The following RSU1 variants were observed in gnomAD, a reference collection of about 807,000 sequenced individuals.
RSU1 encodes rsu-1.
In RSU1, 26 loss-of-function variants were observed where a neutral mutation model predicts 31.1. The observed-to-expected ratio is 0.84, with a 90% CI of 0.61 to 1.16. The LOEUF (loss-of-function observed/expected upper bound fraction) is 1.16, where lower values mean the gene tolerates loss of function less well. Among genes scored for constraint, RSU1 ranks in the 50% most tolerant of loss-of-function variants. RSU1 has a pLI of 0.00. For missense variants in RSU1, 320 were observed against 339.1 expected (o/e 0.94, Z 0.44); for synonymous variants, 164 against 136.3 (o/e 1.20, Z -1.41).
rs377154505 is a variant in RSU1 at position 16,593,490 on chromosome 10, G to A, written c.738C>T (p.Tyr246=). The A allele has an allele frequency of 1.2e-5, 19 of 1,612,644 alleles. No individual in the cohort carries two copies. Among genetic ancestry groups the A allele is most frequent in the Admixed American group, 6.7e-5 (4 of 59,994 alleles). ...CTGGGTTGGCCTGCATGTGTCTGCC[G>A]TAGAGGCTGCAAAGACAGAGAAAGG... ...YIRSETYKYL[Y]GRHMQANPEP... The change falls in exon 9 of 9, where the codon TAC becomes TAT. Residue 246 remains tyrosine (Y), a synonymous_variant. Coordinates refer to ENST00000345264, the MANE Select transcript of RSU1 (RefSeq NM_012425.4).
chr10:16,757,061 T>A (rs1258511487), intron 4 of RSU1, among the ~76,000 whole-genome samples: 1 of 145,994 alleles, frequency 6.8e-6, no homozygotes. Context: ...GGTGTGTTTG[T>A]ACACGGTATG....
chr10:16,787,156 A>G (rs867970555), intron 2 of RSU1, among the ~76,000 whole-genome samples: 24 of 152,274 alleles, frequency 1.6e-4, no homozygotes, highest in Middle Eastern at 3.4e-3. Context: ...CTTTGGAGCC[A>G]CAACAGTGAG....
At chr10:16,809,409 C>T (rs921742) in intron 2 of RSU1, among the ~76,000 whole-genome samples, 1 of 151,972 alleles carries the variant, frequency 6.6e-6, no homozygotes, top group Non-Finnish European at 1.5e-5. Context: ...CAGAACCTGG[C>T]GAATGAAGGT....
intron 2 of RSU1, among the ~76,000 whole-genome samples, chr10:16,789,185 C>A (rs1837860446): frequency 6.6e-6 from 1 of 152,138 alleles, no homozygotes; most frequent in African/African-American, 2.4e-5. Context: ...AGGAGAGAAA[C>A]TAAAAAAGTT....
chr10:16,725,114 T>C (rs1303429153), intron 7 of RSU1, among the ~76,000 whole-genome samples: 5 of 152,224 alleles, frequency 3.3e-5, no homozygotes, highest in African/African-American at 1.2e-4. Flanking sequence ...TTTGGCATGT[T>C]GATCATTCGC....
At chr10:16,656,515 A>C (rs952160818) in intron 8 of RSU1, among the ~76,000 whole-genome samples, 1 of 152,242 alleles carries the variant, frequency 6.6e-6, no homozygotes, top group Non-Finnish European at 1.5e-5. Context: ...CACCAGCTAA[A>C]GAATTCTATT....
At chr10:16,654,096 G>A (rs180926650) in intron 8 of RSU1, among the ~76,000 whole-genome samples, 2 of 151,556 alleles carry the variant, frequency 1.3e-5, no homozygotes, top group African/African-American at 2.4e-5. Flanking sequence ...TCTGCCTCCC[G>A]GGCTCAAGCG....
intron 8 of RSU1, among the ~76,000 whole-genome samples, chr10:16,632,757 G>A (rs1834275949): frequency 6.6e-6 from 1 of 152,078 alleles, no homozygotes; most frequent in South Asian, 2.1e-4. Flanking sequence ...TGAGCAACAT[G>A]GCAAAACCTC....
chr10:16,598,387 TAAAA>T (rs113857797), intron 8 of RSU1, among the ~76,000 whole-genome samples: 1 of 143,144 alleles, frequency 7.0e-6, no homozygotes, highest in African/African-American at 2.5e-5. Flanking sequence ...AAAAGTAAAG[TAAAA>T]AAAAAAAAAT....
chr10:16,626,598 G>A (rs1564290350), intron 8 of RSU1, among the ~76,000 whole-genome samples: 1 of 152,136 alleles, frequency 6.6e-6, no homozygotes, highest in Non-Finnish European at 1.5e-5. Flanking sequence ...AGAGATTCTG[G>A]GGTCAGACAG....
chr10:16,733,585 C>A (rs964223316), intron 7 of RSU1, among the ~76,000 whole-genome samples: 6 of 152,034 alleles, frequency 3.9e-5, no homozygotes, highest in Non-Finnish European at 8.8e-5. Context: ...TAGTGATCAG[C>A]GAAAACTCTC....
intron 2 of RSU1, among the ~76,000 whole-genome samples, chr10:16,787,960 G>A (rs1213404533): frequency 6.6e-6 from 1 of 152,226 alleles, no homozygotes; most frequent in African/African-American, 2.4e-5. Flanking sequence ...AATCCTGATA[G>A]TGGTTTCCCA....
chr10:16,691,722 CTTTTTTTTTTTT>C (rs58786188), intron 8 of RSU1, among the ~76,000 whole-genome samples: 61 of 106,044 alleles, frequency 5.8e-4, no homozygotes, highest in Non-Finnish European at 7.9e-4. Flanking sequence ...GCTGCTGCTT[CTTTTTTTTTTTT>C]TTTTTTTTTT....
chr10:16,670,473 G>A (rs531268675), intron 8 of RSU1, among the ~76,000 whole-genome samples: 2 of 152,262 alleles, frequency 1.3e-5, no homozygotes, highest in East Asian at 1.9e-4. Context: ...TTCTGTTGCT[G>A]CAGTATTCTG....
chr10:16,674,854 G>A (rs555098693), intron 8 of RSU1, among the ~76,000 whole-genome samples: 17 of 152,112 alleles, frequency 1.1e-4, no homozygotes, highest in Middle Eastern at 3.4e-3. Flanking sequence ...CTAACACAGC[G>A]AAACTCCATC....
intron 4 of RSU1, among the ~76,000 whole-genome samples, chr10:16,763,337 G>C (rs1489072854): frequency 1.3e-5 from 2 of 152,178 alleles, no homozygotes; most frequent in Non-Finnish European, 2.9e-5. Flanking sequence ...GCAGCTGCTT[G>C]TGGGGAAGTC....
chr10:16,650,589 T>C (rs996418247), intron 8 of RSU1, among the ~76,000 whole-genome samples: 1 of 149,324 alleles, frequency 6.7e-6, no homozygotes, highest in African/African-American at 2.5e-5. Flanking sequence ...TTTTTTTTTT[T>C]TTTTTTGTGA....
intron 8 of RSU1, among the ~76,000 whole-genome samples, chr10:16,628,822 G>A (rs113885279): frequency 2.0e-5 from 3 of 151,612 alleles, no homozygotes; most frequent in East Asian, 1.9e-4. Flanking sequence ...CTTACTTTTC[G>A]TTCATTGTTT....
At chr10:16,728,566 G>A (rs1190872281) in intron 7 of RSU1, among the ~76,000 whole-genome samples, 1 of 152,222 alleles carries the variant, frequency 6.6e-6, no homozygotes, top group African/African-American at 2.4e-5. Context: ...GTGTTACTAT[G>A]TGTGGGAGGC....
Sources: gnomAD v4.1 joint callset for allele counts (sites outside exome capture counted in the v4.1 genomes callset) on GRCh38, gnomAD v4.1.1 for gene constraint, MANE v1.5 for transcripts, NCBI Gene and HGNC (gene_info 2026-07-23, HGNC 2026-07-21) for gene names.